CNN2: variants seen among roughly 807,000 people sequenced by gnomAD.
CNN2 encodes the protein calponin-2.
In CNN2, 21 loss-of-function variants were observed where a neutral mutation model predicts 31.0. The ratio of observed to expected loss-of-function variants is 0.68; its 90% confidence interval spans 0.48 to 0.98. The LOEUF is 0.98. Ranked by LOEUF, CNN2 falls within the 50% of genes least tolerant of loss-of-function variation. The probability of loss-of-function intolerance (pLI) is 0.00; values close to 1 mark genes in which losing one functional copy is unlikely to be tolerated. For synonymous variants in CNN2, 165 were observed against 179.6 expected, an observed-to-expected ratio of 0.92 and a Z score of 0.65; for missense variants, 399 against 427.3, an observed-to-expected ratio of 0.93 and a Z score of 0.58.
chr19:1,026,956 A>C, intron 1 of CNN2: 2 of 481,262 alleles, frequency 4.2e-6, no homozygotes, highest in Non-Finnish European at 7.4e-6. Context: ...CGAGTGACCC[A>C]TTCCCCCCCC....
Position 1,037,807 on chromosome 19 carries a change from G to GA in CNN2, c.837_838insA (p.Ala280SerfsTer19). On this transcript the variant is annotated frameshift_variant, in exon 7 of 7. Transcript: ENST00000263097. LOFTEE classifies it low-confidence loss of function (END_TRUNC). Reference sequence around the variant, plus strand: ...CCAAGTACTGCCCGCAAGGCACAGTGGCCGATGGGGCTCCCTCGGGCACCG... The same window carrying GA: ...CCAAGTACTGCCCGCAAGGCACAGTGAGCCGATGGGGCTCCCTCGGGCACCG... 6.2e-7 allele frequency: 1 copy of GA among 1,609,076 alleles called. No homozygotes were observed. Among genetic ancestry groups the GA allele is most frequent in the South Asian group, 1.1e-5 (1 of 90,966 alleles).
At chr19:1,032,722 C>T (rs1370822185) in intron 4 of CNN2, 26 bp downstream of exon 4, 1 of 1,560,100 alleles carries the variant, frequency 6.4e-7, no homozygotes. Flanking sequence ...GGGCAGCCAC[C>T]TGCCCAGAGT....
chr19:1,036,051 T>TCTGTC (rs1303149950), intron 4 of CNN2, 79 bp from the exon 5 acceptor site: 5 of 1,490,486 alleles, frequency 3.4e-6, no homozygotes, highest in Non-Finnish European at 4.5e-6. Flanking sequence ...CGGCCTGGTC[T>TCTGTC]CTGTCCCGCC....
rs550981271 is a variant in CNN2 at position 1,032,911 on chromosome 19, TG to T, written c.390+218del. ...CTTCTGCCTCAGTCTCCCGAGTAGC[TG>T]GGATTACAGGCACCTGCCACCACGC... On this transcript the variant is annotated intron_variant, in intron 4 of 6. Transcript: ENST00000263097. 29 of 480,948 alleles carry T rather than the reference TG, an allele frequency of 6.0e-5. No homozygotes were observed. The East Asian group carries it at 1.1e-3, about 18-fold the overall frequency. 29.8% of individuals were successfully genotyped at this position (480,948 alleles called of 1,614,324 possible).
At chr19:1,030,933 G>A in intron 1 of CNN2, 138 bp from the exon 2 acceptor site, 1 of 1,087,454 alleles carries the variant, frequency 9.2e-7, no homozygotes, top group East Asian at 2.5e-5. Flanking sequence ...CTGCGTGGGT[G>A]TGGTGAGGGG....
At position 1,030,903 on chromosome 19, in the gene CNN2, A is replaced by G. The variant is rs115909364; in HGVS notation, c.64-168A>G. Reference sequence around the variant, plus strand: ...GCCTGCAGTGGCTGGGGCGCCCCCAATGATGGGAAAAGGGAGCATCTGCGT... The same window carrying G: ...GCCTGCAGTGGCTGGGGCGCCCCCAGTGATGGGAAAAGGGAGCATCTGCGT... On this transcript the variant is annotated intron_variant, in intron 1 of 6. Coordinates refer to ENST00000263097, the MANE Select transcript of CNN2 (RefSeq NM_004368.4). The G allele has an allele frequency of 4.5e-3, 3,785 of 847,296 alleles. 100 individuals carry two copies. The African/African-American group carries it at 0.055, about 12-fold the overall frequency. The allele number at this position is 847,296 out of a possible 1,614,324, so 52.5% of individuals were successfully genotyped here. A position where few individuals can be genotyped will look rare whatever the true frequency, so the allele number is the denominator to read the frequency against.
chr19:1,032,797 G>T (rs760120840), intron 4 of CNN2, 101 bp downstream of exon 4: 5 of 924,670 alleles, frequency 5.4e-6, no homozygotes, highest in Non-Finnish European at 8.3e-6. Context: ...GTTTATTTTT[G>T]AGTCGGAGTC....
intron 6 of CNN2, chr19:1,036,842 C>T (rs529380519): frequency 1.6e-4 from 82 of 513,100 alleles, no homozygotes; most frequent in Non-Finnish European, 2.5e-4. Context: ...TTTTTTTAAT[C>T]TTTATTTATT....
At chr19:1,032,234 CAAAA>C (rs59436549) in intron 2 of CNN2, among the ~76,000 whole-genome samples, 154 bp from the exon 3 acceptor site, 3 of 96,664 alleles carry the variant, frequency 3.1e-5, no homozygotes, top group African/African-American at 3.5e-5. Context: ...GACGCCGTCT[CAAAA>C]AAAAAAAAAA....
chr19:1,036,032 G>A, intron 4 of CNN2, 98 bp from the exon 5 acceptor site: 1 of 1,454,978 alleles, frequency 6.9e-7, no homozygotes, highest in Non-Finnish European at 9.1e-7. Context: ...AGGCAGAGGT[G>A]ACAGGCCGCG....
At chr19:1,032,932 C>G in intron 4 of CNN2, 1 of 434,828 alleles carries the variant, frequency 2.3e-6, no homozygotes, top group East Asian at 4.5e-5. Context: ...GCACCTGCCA[C>G]CACGCCTGGC....
At chr19:1,031,806 T>C (rs1014581356) in intron 2 of CNN2, among the ~76,000 whole-genome samples, 30 of 151,004 alleles carry the variant, frequency 2.0e-4, no homozygotes, top group African/African-American at 7.3e-4. Flanking sequence ...TTAGTAGAGA[T>C]GGGGTTGCTC....
At position 1,032,373 on chromosome 19, in the gene CNN2, C is replaced by A; in HGVS notation, c.186-19C>A. 1 of 1,613,134 alleles carries A rather than the reference C, an allele frequency of 6.2e-7. No individual in the cohort carries two copies. Among genetic ancestry groups the A allele is most frequent in the Non-Finnish European group, 8.5e-7 (1 of 1,179,936 alleles). ...TCACAGAGGTTTCTGTTTCCCCCGC[C>A]CCATGTTGTGCCCTCCAGACTCATG... On this transcript the variant is annotated intron_variant, in intron 2 of 6. Coordinates refer to ENST00000263097, the MANE Select transcript of CNN2 (RefSeq NM_004368.4).
chr19:1,035,729 C>T (rs2039571080), intron 4 of CNN2, among the ~76,000 whole-genome samples: 1 of 152,064 alleles, frequency 6.6e-6, no homozygotes, highest in Non-Finnish European at 1.5e-5. Context: ...TCAAGACCAG[C>T]CTGGCAACAT....
In CNN2 at chr19:1,032,439, C is replaced by A. The variant is rs1339603798; in HGVS notation, c.233C>A (p.Ser78Tyr). ...GGCTCCGTCCCCAAGATCAACCGCT[C>A]CATGCAGAACTGGCACCAGGTGAGG... ...QPGSVPKINRSMQNWHQLENL... is the reference protein window; with the variant it reads ...QPGSVPKINRYMQNWHQLENL... Residue 78 changes from serine to tyrosine, a missense_variant, in exon 3 of 7, where the codon TCC becomes TAC. Physicochemically the swap from Ser to Tyr is moderately radical, Grantham distance 144. Transcript: ENST00000263097. 1.2e-6 allele frequency: 2 copies of A among 1,613,596 alleles called. No individual in the cohort carries two copies. Among genetic ancestry groups the A allele is most frequent in the African/African-American group, 1.3e-5 (1 of 74,916 alleles).
intron 2 of CNN2, 79 bp from the exon 3 acceptor site, chr19:1,032,313 G>A: frequency 6.4e-7 from 1 of 1,559,696 alleles, no homozygotes; most frequent in Non-Finnish European, 8.8e-7. Flanking sequence ...GAGCTTGGCT[G>A]AGATCAGCAT....
intron 1 of CNN2, among the ~76,000 whole-genome samples, chr19:1,029,649 G>GAGAT (rs1222691151): frequency 4.6e-5 from 7 of 152,168 alleles, no homozygotes; most frequent in African/African-American, 1.7e-4. Context: ...GGAACCTGGG[G>GAGAT]AGATGGGTGC....
At chr19:1,032,253 A>T in intron 2 of CNN2, 139 bp from the exon 3 acceptor site, 14 of 816,432 alleles carry the variant, frequency 1.7e-5, no homozygotes, top group Non-Finnish European at 2.7e-5. Flanking sequence ...AAAAAAAAAG[A>T]GTGGAAACTG....
rs1460371484 is a variant in CNN2, at chr19:1,037,652, C to T, written c.682C>T (p.Arg228Trp). The T allele has an allele frequency of 2.5e-6, 4 of 1,611,118 alleles. No homozygotes were observed. The highest frequency in any genetic ancestry group is 3.4e-6 in the Non-Finnish European group (4 of 1,179,936). Residue 228 changes from arginine (R) to tryptophan (W), a missense_variant, in exon 7 of 7, where the codon CGG (arginine) becomes TGG (tryptophan). By Grantham distance (101) the Arg-to-Trp change is moderately radical. Coordinates refer to ENST00000263097, the MANE Select transcript of CNN2 (RefSeq NM_004368.4). ...QVGMTAPGTR[R>W]HIYDTKLGTD... Reference sequence around the variant, plus strand: ...GGGCATGACGGCTCCCGGGACCCGGCGGCACATCTATGATACCAAGCTGGG... The same window carrying T: ...GGGCATGACGGCTCCCGGGACCCGGTGGCACATCTATGATACCAAGCTGGG...
Sources: allele counts gnomAD v4.1 joint callset (sites outside exome capture counted in the v4.1 genomes callset), GRCh38; gene constraint gnomAD v4.1.1; transcripts MANE v1.5; gene names NCBI Gene and HGNC (gene_info 2026-07-23, HGNC 2026-07-21).